Variants in XRCC4 observed in about 807,000 individuals in gnomAD.
The protein encoded by XRCC4 is X-ray repair cross complementing 4, also known as DNA repair protein XRCC4.
XRCC4 carries 28 observed loss-of-function variants against 39.1 expected under a neutral mutation model. The ratio of observed to expected loss-of-function variants is 0.72; its 90% CI spans 0.53 to 0.98. The LOEUF (loss-of-function observed/expected upper bound fraction) is 0.98. Ranked by LOEUF, XRCC4 falls within the 50% of genes least tolerant of loss-of-function variation. The pLI is 0.00. For synonymous variants in XRCC4, 123 were observed against 126.4 expected (o/e 0.97, Z 0.18); for missense variants, 350 against 376.4 (o/e 0.93, Z 0.58).
intron 6 of XRCC4, among the ~76,000 whole-genome samples, chr5:83,240,466 T>C (rs983414622): frequency 6.6e-6 from 1 of 152,206 alleles, no homozygotes; most frequent in African/African-American, 2.4e-5. Flanking sequence ...TATGTGGAGA[T>C]AGAATTGACA....
chr5:83,147,697 TA>T (rs36000163), intron 3 of XRCC4, among the ~76,000 whole-genome samples: 139,837 of 152,182 alleles, frequency 0.92, 64,376 homozygotes, highest in African/African-American at 0.96. Context: ...GAGTAGATTT[TA>T]AAGTGTTGTC....
chr5:83,232,527 C>G (rs1752531279), intron 6 of XRCC4, among the ~76,000 whole-genome samples: 1 of 151,992 alleles, frequency 6.6e-6, no homozygotes, highest in Non-Finnish European at 1.5e-5. Context: ...AGCTGTCTTG[C>G]AGTTTTCAGA....
chr5:83,140,123 A>T (rs1748095169), intron 3 of XRCC4, among the ~76,000 whole-genome samples: 1 of 152,212 alleles, frequency 6.6e-6, no homozygotes, highest in Non-Finnish European at 1.5e-5. Context: ...CTAATAGGAT[A>T]TATGTATATA....
intron 6 of XRCC4, among the ~76,000 whole-genome samples, chr5:83,215,991 A>C (rs923937564): frequency 6.6e-6 from 1 of 152,222 alleles, no homozygotes. Context: ...AAAATTCTGC[A>C]CTTCAAAAAG....
chr5:83,263,077 G>C (rs1300139137), intron 7 of XRCC4, among the ~76,000 whole-genome samples: 3 of 143,030 alleles, frequency 2.1e-5, no homozygotes, highest in Non-Finnish European at 4.5e-5. Flanking sequence ...TCCCACCTAT[G>C]AGTGAGAATA....
intron 7 of XRCC4, among the ~76,000 whole-genome samples, chr5:83,315,513 A>G (rs917248851): frequency 6.6e-6 from 1 of 152,166 alleles, no homozygotes; most frequent in African/African-American, 2.4e-5. Context: ...AAAGAAGTCA[A>G]TTCTTGGCTT....
At chr5:83,363,632 A>G in the XRCC4 span, among the ~76,000 whole-genome samples, 1 of 152,158 alleles carries the variant, frequency 6.6e-6, no homozygotes, top group African/African-American at 2.4e-5. Flanking sequence ...GGAAGTTGAG[A>G]GACTACTGGC....
chr5:83,361,998 C>T, the XRCC4 span, among the ~76,000 whole-genome samples: 1 of 152,104 alleles, frequency 6.6e-6, no homozygotes, highest in East Asian at 1.9e-4. Flanking sequence ...CCTTCTCATG[C>T]AAAGCAACTT....
At chr5:83,092,947 T>C (rs79195198) in intron 1 of XRCC4, among the ~76,000 whole-genome samples, 2,296 of 151,926 alleles carry the variant, frequency 0.015, 43 homozygotes, top group African/African-American at 0.053. Flanking sequence ...CTTTCCTTAC[T>C]TATCAACAAT....
At position 83,270,116 on chromosome 5, in the gene XRCC4, A is replaced by G. The variant is rs111949632; in HGVS notation, c.893+11439A>G. 5.9e-3 allele frequency among the ~76,000 whole-genome samples: 902 copies of G among 152,288 alleles called. 12 individuals carry two copies. Among genetic ancestry groups the G allele is most frequent in the African/African-American group, 0.021 (866 of 41,566 alleles). The stretch of plus-strand genomic sequence containing the variant: ...CACAACCTAGATGCCTCGCATGCAC[A>G]GTTCACAATAGGATTTGTGCTCCTG... On this transcript the variant is annotated intron_variant, in intron 7 of 7. Coordinates refer to ENST00000396027, the MANE Select transcript of XRCC4 (RefSeq NM_003401.5).
chr5:83,098,681 A>G (rs539860460), intron 1 of XRCC4, among the ~76,000 whole-genome samples: 2 of 152,234 alleles, frequency 1.3e-5, no homozygotes, highest in East Asian at 3.9e-4. Flanking sequence ...CAAAAAAAAA[A>G]ATCTTAATTT....
intron 3 of XRCC4, among the ~76,000 whole-genome samples, chr5:83,116,608 C>CTTTTTTTTTTT (rs559079642): frequency 9.7e-6 from 1 of 103,196 alleles, no homozygotes; most frequent in African/African-American, 3.4e-5. Flanking sequence ...TTCTCTCTCT[C>CTTTTTTTTTTT]TTTTTTTTTT....
chr5:83,305,099 TATA>T (rs1401101166), intron 7 of XRCC4, among the ~76,000 whole-genome samples: 3 of 152,306 alleles, frequency 2.0e-5, no homozygotes, highest in South Asian at 4.1e-4. Flanking sequence ...CAAATTTTTT[TATA>T]ATAAGCTTTA....
At chr5:83,318,508 C>T (rs1755956004) in intron 7 of XRCC4, among the ~76,000 whole-genome samples, 1 of 63,272 alleles carries the variant, frequency 1.6e-5, no homozygotes, top group Non-Finnish European at 2.6e-5. Flanking sequence ...TCAGCAAAGT[C>T]TCAGGATACA....
chr5:83,230,191 A>G lies in XRCC4; in HGVS notation c.745+25270A>G, dbSNP rs556520870. ...TGGTTTCAAGTTACAAGAGATTTAA[A>G]AGATAATAAGCAATTTTACCTCTCC... On this transcript the variant is annotated intron_variant, in intron 6 of 7. Coordinates refer to ENST00000396027, the MANE Select transcript of XRCC4 (RefSeq NM_003401.5). Among the ~76,000 whole-genome samples, 28 of 152,166 alleles carry G rather than the reference A, an allele frequency of 1.8e-4. No individual in the cohort carries two copies. In the South Asian group the frequency reaches 4.3e-3, roughly 24 times the overall value.
chr5:83,333,927 G>A (rs1167330647), intron 7 of XRCC4, among the ~76,000 whole-genome samples: 4 of 151,848 alleles, frequency 2.6e-5, no homozygotes, highest in Non-Finnish European at 5.9e-5. Context: ...GCGCCACCAC[G>A]CCTGGCTAAT....
the XRCC4 span, among the ~76,000 whole-genome samples, chr5:83,372,105 A>G: frequency 3.1e-3 from 470 of 152,348 alleles, 13 homozygotes; most frequent in Admixed American, 0.028. Context: ...TTAATACATT[A>G]TTAAATATTT....
At chr5:83,347,278 G>C in intron 7 of XRCC4, among the ~76,000 whole-genome samples, 1 of 152,114 alleles carries the variant, frequency 6.6e-6, no homozygotes, top group East Asian at 1.9e-4. Context: ...AAATAGGATA[G>C]TAGACATTTG....
At chr5:83,299,690 C>T (rs994976921) in intron 7 of XRCC4, among the ~76,000 whole-genome samples, 5 of 152,084 alleles carry the variant, frequency 3.3e-5, no homozygotes, top group African/African-American at 1.2e-4. Flanking sequence ...TTAAACTTGA[C>T]CATTCCATTT....
Sources: gnomAD v4.1 joint callset for allele counts (sites outside exome capture counted in the v4.1 genomes callset) on GRCh38, gnomAD v4.1.1 for gene constraint, MANE v1.5 for transcripts, NCBI Gene and HGNC (gene_info 2026-07-23, HGNC 2026-07-21) for gene names.